PNLIP: variants seen among roughly 807,000 people sequenced by gnomAD.
PNLIP encodes the protein pancreatic triacylglycerol lipase.
A neutral mutation model predicts 57.1 loss-of-function variants in PNLIP; 49 were observed. The observed-to-expected ratio is 0.86, with a 90% CI of 0.68 to 1.09. PNLIP has a LOEUF of 1.09. Among genes scored for constraint, PNLIP ranks in the 50% least tolerant of loss-of-function variants. The probability of loss-of-function intolerance (pLI) is 0.00; values close to 1 mark genes in which losing one functional copy is unlikely to be tolerated. For synonymous variants in PNLIP, 209 were observed against 200.4 expected, an observed-to-expected ratio of 1.04 and a Z score of -0.36; for missense variants, 503 against 570.2, an observed-to-expected ratio of 0.88 and a Z score of 1.20.
intron 5 of PNLIP, among the ~76,000 whole-genome samples, chr10:116,552,679 G>A (rs1358682064): frequency 6.6e-6 from 1 of 152,156 alleles, no homozygotes; most frequent in African/African-American, 2.4e-5. Context: ...GAGGTCAGGA[G>A]ATGGAGACCA....
At chr10:116,548,285 T>C in intron 3 of PNLIP, 75 bp from the exon 4 acceptor site, 1 of 1,437,164 alleles carries the variant, frequency 7.0e-7, no homozygotes, top group Admixed American at 1.8e-5. Context: ...TTCTACTTAC[T>C]GCCCCTCTCC....
rs1361658241 is a variant in PNLIP at position 116,548,378 on chromosome 10, T to A, written c.220T>A (p.Ser74Thr). The A allele has an allele frequency of 1.9e-6, 3 of 1,613,952 alleles. No homozygotes were observed. In the African/African-American group the frequency reaches 4.0e-5, roughly 22 times the overall value. The change falls in exon 4 of 13, where the codon TCA becomes ACA. Residue 74 changes from serine (S) to threonine (T), a missense_variant. Physicochemically the swap from Ser to Thr is moderately conservative, Grantham distance 58 (BLOSUM62 1). Coordinates refer to ENST00000369221, the MANE Select transcript of PNLIP (RefSeq NM_000936.4). ...NNFQEVAADSSSISGSNFKTN... is the reference protein window; with the variant it reads ...NNFQEVAADSTSISGSNFKTN... The stretch of plus-strand genomic sequence containing the variant: ...TAAACAGGAAGTTGCCGCAGATTCA[T>A]CAAGCATCAGTGGCTCCAATTTCAA...
chr10:116,554,131 A>G (rs1309203813), intron 6 of PNLIP, among the ~76,000 whole-genome samples: 3 of 152,022 alleles, frequency 2.0e-5, no homozygotes, highest in East Asian at 1.9e-4. Flanking sequence ...ATTGATACCA[A>G]TCTTTGGTCT....
chr10:116,548,079 A>G (rs1050655804), intron 3 of PNLIP, among the ~76,000 whole-genome samples: 21 of 151,260 alleles, frequency 1.4e-4, no homozygotes, highest in African/African-American at 4.9e-4. Context: ...ACACACACGC[A>G]CACACACACA....
At chr10:116,560,149 T>C (rs1303989800) in intron 10 of PNLIP, among the ~76,000 whole-genome samples, 1 of 151,782 alleles carries the variant, frequency 6.6e-6, no homozygotes. Context: ...CTAAATGTAT[T>C]CCTTAGTCCC....
intron 5 of PNLIP, among the ~76,000 whole-genome samples, chr10:116,553,125 A>T (rs1458650061): frequency 2.0e-5 from 3 of 152,222 alleles, no homozygotes; most frequent in Middle Eastern, 6.8e-3. Context: ...ATTTTTTTTC[A>T]GACAGAGTCT....
chr10:116,560,024 A>G lies in PNLIP; in HGVS notation c.1061-392A>G, dbSNP rs1589558432. On this transcript the variant is annotated intron_variant, in intron 10 of 12. Coordinates refer to ENST00000369221, the MANE Select transcript of PNLIP (RefSeq NM_000936.4). ...GATAGCAGTACCCTAAAATTTGGTG[A>G]TCTATGAAAATAAATTAAACTGAAA... Among the ~76,000 whole-genome samples the G allele has an allele frequency of 2.0e-5, 3 of 152,308 alleles. No homozygotes were observed. In the East Asian group the frequency reaches 5.8e-4, roughly 29 times the overall value.
In PNLIP at chr10:116,560,419, G is replaced by A. The variant is rs1185703799; in HGVS notation, c.1064G>A (p.Trp355Ter). Residue 355 changes from tryptophan (W) to a stop codon, truncating the protein, a stop_gained, in exon 11 of 13, where the codon TGG becomes TAG. Coordinates refer to ENST00000369221, the MANE Select transcript of PNLIP (RefSeq NM_000936.4). LOFTEE classifies it high-confidence loss of function. ...DTGDASNFAR[W>*]RYKVSVTLSG... ...TTGCAATTTTTCTCCCTTGCAGGTT[G>A]GAGGTATAAGGTATCTGTCACACTG... 2 of 1,558,288 alleles carry A rather than the reference G, an allele frequency of 1.3e-6. No homozygotes were observed. Among genetic ancestry groups the A allele is most frequent in the African/African-American group, 2.8e-5 (2 of 72,356 alleles).
intron 2 of PNLIP, among the ~76,000 whole-genome samples, chr10:116,546,584 T>G (rs1847127961): frequency 6.6e-6 from 1 of 152,116 alleles, no homozygotes; most frequent in Admixed American, 6.6e-5. Flanking sequence ...AGAGTCGGAT[T>G]CCCCATCTCC....
Position 116,561,001 on chromosome 10 carries a change from T to TCATC in PNLIP, c.1170-469_1170-466dup, listed in dbSNP as rs1847310364. Among the ~76,000 whole-genome samples the TCATC allele has an allele frequency of 2.6e-5, 4 of 152,346 alleles. No homozygotes were observed. The South Asian group carries it at 8.3e-4, about 32-fold the overall frequency. The stretch of plus-strand genomic sequence containing the variant: ...TATAAGGGAAAAGGAAGCAATTATG[T>TCATC]CATCCTTACGCCTTAGTACCATTCA... On this transcript the variant is annotated intron_variant, in intron 11 of 12. Transcript: ENST00000369221.
chr10:116,561,767 A>T (rs752527000), intron 12 of PNLIP, 131 bp downstream of exon 12: 87 of 698,592 alleles, frequency 1.2e-4, no homozygotes, highest in Admixed American at 4.1e-4. Flanking sequence ...TTGCTTCCTA[A>T]TGCCTTCTGT....
chr10:116,553,883 G>A (rs748592744), intron 6 of PNLIP, 45 bp downstream of exon 6: 3 of 1,174,814 alleles, frequency 2.6e-6, no homozygotes, highest in South Asian at 1.3e-5. Context: ...GAGGCAAGAT[G>A]ATCTCTTGAG....
intron 11 of PNLIP, among the ~76,000 whole-genome samples, chr10:116,560,809 C>T (rs903323685): frequency 4.6e-5 from 7 of 152,010 alleles, no homozygotes; most frequent in African/African-American, 1.7e-4. Context: ...AACTCCTGAC[C>T]TCAGGTGACC....
chr10:116,560,294 C>CACACACAT (rs1387843304), intron 10 of PNLIP, 122 bp from the exon 11 acceptor site: 35 of 591,976 alleles, frequency 5.9e-5, no homozygotes, highest in African/African-American at 5.9e-4. Flanking sequence ...CACACACACA[C>CACACACAT]ACACACACAC....
intron 12 of PNLIP, among the ~76,000 whole-genome samples, chr10:116,564,682 CAG>C (rs1847345699): frequency 6.6e-6 from 1 of 152,008 alleles, no homozygotes; most frequent in African/African-American, 2.4e-5. Flanking sequence ...AAAATAATGA[CAG>C]TATTTTGGGG....
intron 9 of PNLIP, 111 bp downstream of exon 9, chr10:116,556,229 A>T: frequency 1.5e-6 from 1 of 669,044 alleles, no homozygotes; most frequent in Admixed American, 2.4e-5. Context: ...TTTTGAACTT[A>T]TACATGCCTT....
intron 10 of PNLIP, among the ~76,000 whole-genome samples, chr10:116,559,657 G>T (rs1163179257): frequency 1.3e-5 from 2 of 152,176 alleles, no homozygotes; most frequent in Non-Finnish European, 2.9e-5. Context: ...AGAATGGAAA[G>T]ACATTGACAG....
intron 4 of PNLIP, among the ~76,000 whole-genome samples, chr10:116,550,444 G>A (rs555364097): frequency 1.3e-5 from 2 of 151,480 alleles, no homozygotes; most frequent in Non-Finnish European, 2.9e-5. Context: ...TAACCTCCAT[G>A]AAGCCCTAAT....
At chr10:116,548,271 A>G in intron 3 of PNLIP, 89 bp from the exon 4 acceptor site, 1 of 1,228,554 alleles carries the variant, frequency 8.1e-7, no homozygotes, top group Non-Finnish European at 1.2e-6. Flanking sequence ...GAATCCTAGC[A>G]GTCTTCTACT....
Sources: allele counts gnomAD v4.1 joint callset (sites outside exome capture counted in the v4.1 genomes callset), GRCh38; gene constraint gnomAD v4.1.1; transcripts MANE v1.5; gene names NCBI Gene and HGNC (gene_info 2026-07-23, HGNC 2026-07-21).